NEGR1: variants seen among roughly 807,000 people sequenced by gnomAD.
NEGR1 encodes the protein neuronal growth regulator 1.
NEGR1 carries 10 observed loss-of-function variants against 40.9 expected under a neutral mutation model. The ratio of observed to expected loss-of-function variants is 0.24; its 90% CI spans 0.15 to 0.42. NEGR1 has a LOEUF of 0.42. Among genes scored for constraint, NEGR1 ranks in the 10% least tolerant of loss-of-function variants. The pLI is 1.00. For missense variants in NEGR1, 352 were observed against 438.9 expected (o/e 0.80, Z 1.77); for synonymous variants, 185 against 166.8 (o/e 1.11, Z -0.84).
chr1:72,193,809 G>A (rs894723201), intron 1 of NEGR1, among the ~76,000 whole-genome samples: 1 of 151,416 alleles, frequency 6.6e-6, no homozygotes, highest in African/African-American at 2.4e-5. Context: ...ATATTAAGGT[G>A]TATCCCAGAT....
At chr1:71,433,359 T>C (rs1053536300) in intron 6 of NEGR1, among the ~76,000 whole-genome samples, 3 of 152,198 alleles carry the variant, frequency 2.0e-5, no homozygotes, top group South Asian at 2.1e-4. Flanking sequence ...TTTTAAGGAA[T>C]CTTCAAACTG....
intron 1 of NEGR1, among the ~76,000 whole-genome samples, chr1:72,028,132 T>A (rs988596259): frequency 8.5e-5 from 13 of 152,154 alleles, no homozygotes; most frequent in African/African-American, 3.1e-4. Context: ...GTCTTCCTCA[T>A]TTTACACTTC....
intron 1 of NEGR1, among the ~76,000 whole-genome samples, chr1:72,227,181 A>T (rs938549535): frequency 6.6e-6 from 1 of 152,038 alleles, no homozygotes; most frequent in Non-Finnish European, 1.5e-5. Flanking sequence ...CCTCATCTCT[A>T]AAATGGTAAT....
At chr1:71,622,627 G>A (rs1351346813) in intron 4 of NEGR1, among the ~76,000 whole-genome samples, 3 of 151,800 alleles carry the variant, frequency 2.0e-5, no homozygotes, top group Non-Finnish European at 4.4e-5. Context: ...TATGTTTTAA[G>A]CCATGGTATG....
At chr1:71,457,763 T>TGGCG (rs1646683914) in intron 6 of NEGR1, among the ~76,000 whole-genome samples, 4 of 152,174 alleles carry the variant, frequency 2.6e-5, no homozygotes, top group African/African-American at 9.6e-5. Flanking sequence ...TGGAGTGCAG[T>TGGCG]GGATCTCGGC....
chr1:72,273,734 C>T (rs1005308280), intron 1 of NEGR1, among the ~76,000 whole-genome samples: 13 of 151,600 alleles, frequency 8.6e-5, no homozygotes, highest in African/African-American at 3.1e-4. Flanking sequence ...AGACTGTGTC[C>T]TGTAATTTAA....
Position 71,407,384 on chromosome 1 carries a change from G to A in NEGR1, c.*62C>T. ...ACGCTGCTTTTAACAAACTGTACCA[G>A]ATTGGATCCAGCCATCAGCACTTTC... On this transcript the variant is annotated 3_prime_UTR_variant, in exon 7 of 7. Coordinates refer to ENST00000357731, the MANE Select transcript of NEGR1 (RefSeq NM_173808.3). 1.9e-6 allele frequency: 3 copies of A among 1,542,686 alleles called. No individual in the cohort carries two copies. Among genetic ancestry groups the A allele is most frequent in the Non-Finnish European group, 2.7e-6 (3 of 1,123,008 alleles).
chr1:71,675,107 T>TCA (rs1652573832), intron 4 of NEGR1, among the ~76,000 whole-genome samples: 1 of 4,118 alleles, frequency 2.4e-4, no homozygotes, highest in African/African-American at 3.4e-4. Flanking sequence ...AAATGCATGT[T>TCA]TATTCATATA....
chr1:71,990,165 T>C (rs1646436967), intron 1 of NEGR1, among the ~76,000 whole-genome samples: 1 of 152,176 alleles, frequency 6.6e-6, no homozygotes, highest in African/African-American at 2.4e-5. Context: ...AAATGTGCAA[T>C]AATTTGATCT....
At chr1:71,490,348 C>A (rs1442981102) in intron 6 of NEGR1, among the ~76,000 whole-genome samples, 1 of 151,882 alleles carries the variant, frequency 6.6e-6, no homozygotes, top group East Asian at 1.9e-4. Context: ...GTGCTTATGA[C>A]AACATGCTAC....
chr1:72,272,877 C>A (rs1191148760), intron 1 of NEGR1, among the ~76,000 whole-genome samples: 1 of 152,098 alleles, frequency 6.6e-6, no homozygotes, highest in East Asian at 1.9e-4. Flanking sequence ...TTGGAAAGTA[C>A]AATATATTGG....
At chr1:71,888,266 C>T (rs540278766) in intron 2 of NEGR1, among the ~76,000 whole-genome samples, 2,712 of 152,118 alleles carry the variant, frequency 0.018, 87 homozygotes, top group African/African-American at 0.062. Context: ...GCGTGAGCGA[C>T]GCAGAAGACG....
intron 6 of NEGR1, among the ~76,000 whole-genome samples, chr1:71,500,867 T>C (rs1368871979): frequency 6.6e-6 from 1 of 152,106 alleles, no homozygotes; most frequent in African/African-American, 2.4e-5. Context: ...TGTTATACTA[T>C]ATGTTTTATT....
At chr1:71,958,028 T>C (rs1445981346) in intron 1 of NEGR1, among the ~76,000 whole-genome samples, 1 of 152,228 alleles carries the variant, frequency 6.6e-6, no homozygotes, top group Non-Finnish European at 1.5e-5. Context: ...ATGTCCATTA[T>C]AAATTACCTC....
intron 6 of NEGR1, among the ~76,000 whole-genome samples, chr1:71,582,253 A>G (rs190643642): frequency 1.2e-4 from 19 of 152,310 alleles, no homozygotes; most frequent in African/African-American, 3.6e-4. Flanking sequence ...GGGAAAAACT[A>G]TAGAAAATAT....
intron 2 of NEGR1, among the ~76,000 whole-genome samples, chr1:71,928,345 C>CAT (rs1409368844): frequency 0.013 from 1,103 of 86,120 alleles, 72 homozygotes; most frequent in Admixed American, 0.034. Context: ...TATATACACA[C>CAT]ATGTGTATAT....
chr1:72,201,391 T>G (rs1443771990), intron 1 of NEGR1, among the ~76,000 whole-genome samples: 2 of 151,742 alleles, frequency 1.3e-5, no homozygotes, highest in Non-Finnish European at 2.9e-5. Flanking sequence ...AGTATTTTAT[T>G]TGTCTCAGAG....
chr1:72,015,529 G>A (rs754976745), intron 1 of NEGR1, among the ~76,000 whole-genome samples: 10 of 152,010 alleles, frequency 6.6e-5, no homozygotes, highest in Non-Finnish European at 1.5e-4. Context: ...TCAAGGCCAG[G>A]CACCATGGCT....
At chr1:72,189,896 A>G (rs1652756338) in intron 1 of NEGR1, among the ~76,000 whole-genome samples, 1 of 151,636 alleles carries the variant, frequency 6.6e-6, no homozygotes, top group African/African-American at 2.4e-5. Context: ...TGTGTGACCT[A>G]ATGACTGGAC....
Sources: allele counts gnomAD v4.1 joint callset (sites outside exome capture counted in the v4.1 genomes callset), GRCh38; gene constraint gnomAD v4.1.1; transcripts MANE v1.5; gene names NCBI Gene and HGNC (gene_info 2026-07-23, HGNC 2026-07-21).